Variants in KCNK9 observed in about 807,000 individuals in gnomAD.
KCNK9 encodes potassium two pore domain channel subfamily K member 9.
KCNK9 carries 1 observed loss-of-function variant against 10.8 expected under a neutral mutation model. The observed-to-expected ratio is 0.09, with a 90% confidence interval of 0.03 to 0.44. KCNK9 has a LOEUF of 0.44. KCNK9 is among the 20% of genes least tolerant of loss of function. KCNK9 has a pLI of 0.97. For synonymous variants in KCNK9, 231 were observed against 222.7 expected (o/e 1.04, Z -0.33); for missense variants, 303 against 515.0 (o/e 0.59, Z 3.98).
chr8:139,655,331 A>C (rs1204137825), intron 1 of KCNK9, among the ~76,000 whole-genome samples: 2 of 152,176 alleles, frequency 1.3e-5, no homozygotes, highest in Non-Finnish European at 2.9e-5. Flanking sequence ...CACGAGGAGC[A>C]AACAAAACAA....
At chr8:139,670,892 G>C (rs529149441) in intron 1 of KCNK9, among the ~76,000 whole-genome samples, 10 of 152,172 alleles carry the variant, frequency 6.6e-5, no homozygotes, top group Non-Finnish European at 1.3e-4. Flanking sequence ...TCTAGGATTT[G>C]ATGACCACCC....
At chr8:139,627,418 G>A (rs1010426072) in intron 1 of KCNK9, among the ~76,000 whole-genome samples, 3 of 152,332 alleles carry the variant, frequency 2.0e-5, no homozygotes, top group Non-Finnish European at 4.4e-5. Context: ...CTTGACTGGT[G>A]ACTCAAAGGC....
At chr8:139,647,088 G>A (rs1291813552) in intron 1 of KCNK9, among the ~76,000 whole-genome samples, 1 of 152,256 alleles carries the variant, frequency 6.6e-6, no homozygotes, top group African/African-American at 2.4e-5. Flanking sequence ...AGGGGGCTCT[G>A]CAGGTCTGAG....
intron 1 of KCNK9, among the ~76,000 whole-genome samples, chr8:139,690,176 GA>G (rs201704400): frequency 1.3e-5 from 2 of 151,702 alleles, no homozygotes; most frequent in East Asian, 3.9e-4. Context: ...CACAGACTCT[GA>G]AGTCAGACTT....
At chr8:139,652,980 G>C (rs1347764015) in intron 1 of KCNK9, among the ~76,000 whole-genome samples, 1 of 152,222 alleles carries the variant, frequency 6.6e-6, no homozygotes, top group Non-Finnish European at 1.5e-5. Flanking sequence ...CAAGCATCGT[G>C]TGCAGTGCTG....
At chr8:139,675,861 A>G (rs901691945) in intron 1 of KCNK9, among the ~76,000 whole-genome samples, 4 of 152,122 alleles carry the variant, frequency 2.6e-5, no homozygotes, top group African/African-American at 7.2e-5. Flanking sequence ...ACCTGGTGCA[A>G]TTTCCTCTTG....
At chr8:139,624,621 A>AC (rs977890568) in intron 1 of KCNK9, among the ~76,000 whole-genome samples, 14 of 151,446 alleles carry the variant, frequency 9.2e-5, no homozygotes, top group African/African-American at 3.4e-4. Flanking sequence ...ATCCAGGAAA[A>AC]CCCCCAGCTC....
At chr8:139,601,394 C>G (rs1310810186) in exon 3 of KCNK9, 1 of 152,182 alleles carries the variant, frequency 6.6e-6, no homozygotes, top group African/African-American at 2.4e-5. Flanking sequence ...AGAGTCACAG[C>G]TGAGGCTTGA....
chr8:139,684,691 C>T (rs1218617063), intron 1 of KCNK9, among the ~76,000 whole-genome samples: 1 of 152,086 alleles, frequency 6.6e-6, no homozygotes, highest in Non-Finnish European at 1.5e-5. Flanking sequence ...CTTCAAAAAA[C>T]ATAAAACTAA....
chr8:139,635,352 T>G (rs1815306569), intron 1 of KCNK9, among the ~76,000 whole-genome samples: 1 of 152,220 alleles, frequency 6.6e-6, no homozygotes, highest in South Asian at 2.1e-4. Flanking sequence ...ATAGCAGCGT[T>G]GCTCACTGTC....
At chr8:139,619,522 G>T (rs560014834) in intron 1 of KCNK9, among the ~76,000 whole-genome samples, 2 of 152,294 alleles carry the variant, frequency 1.3e-5, no homozygotes, top group Non-Finnish European at 2.9e-5. Flanking sequence ...AAGCCCAAGG[G>T]AGAAACCTCT....
chr8:139,614,786 C>T (rs989886325), downstream of KCNK9, among the ~76,000 whole-genome samples: 5 of 152,226 alleles, frequency 3.3e-5, no homozygotes, highest in Non-Finnish European at 7.3e-5. Flanking sequence ...ATTACTCTCA[C>T]TTGAACTCTT....
chr8:139,630,077 G>A (rs568834018), intron 1 of KCNK9, among the ~76,000 whole-genome samples: 1 of 152,022 alleles, frequency 6.6e-6, no homozygotes, highest in Admixed American at 6.5e-5. Flanking sequence ...GGGCGTGGGG[G>A]GCGGCGCGAA....
intron 1 of KCNK9, among the ~76,000 whole-genome samples, chr8:139,675,470 G>A (rs965982075): frequency 2.6e-5 from 4 of 152,148 alleles, no homozygotes; most frequent in African/African-American, 9.7e-5. Context: ...CCCTTATAAG[G>A]ACAGACCCCA....
At chr8:139,654,031 G>T (rs570130723) in intron 1 of KCNK9, among the ~76,000 whole-genome samples, 1 of 152,240 alleles carries the variant, frequency 6.6e-6, no homozygotes, top group Admixed American at 6.5e-5. Flanking sequence ...GTGGGTGTTC[G>T]GCCTGGACTC....
intron 1 of KCNK9, among the ~76,000 whole-genome samples, chr8:139,622,220 G>GTC (rs1276485834): frequency 6.6e-6 from 1 of 152,200 alleles, no homozygotes; most frequent in Non-Finnish European, 1.5e-5. Context: ...AGGTTCAGGG[G>GTC]TCTTCCCCAT....
intron 1 of KCNK9, among the ~76,000 whole-genome samples, chr8:139,642,850 G>A (rs1191423071): frequency 6.6e-6 from 1 of 152,210 alleles, no homozygotes; most frequent in African/African-American, 2.4e-5. Context: ...AACCTGAGCA[G>A]CAGGGGGTGT....
chr8:139,697,774 CCAGAAT>C (rs1226720627), intron 1 of KCNK9, among the ~76,000 whole-genome samples: 1 of 152,112 alleles, frequency 6.6e-6, no homozygotes, highest in Non-Finnish European at 1.5e-5. Flanking sequence ...TTGATGTACC[CCAGAAT>C]CAGAAGAAAC....
intron 1 of KCNK9, among the ~76,000 whole-genome samples, chr8:139,653,710 G>A (rs1007085880): frequency 4.6e-5 from 7 of 152,168 alleles, no homozygotes; most frequent in African/African-American, 1.7e-4. Flanking sequence ...ACAACACAAG[G>A]GAAAGTGCTT....
Sources: gnomAD v4.1 joint callset for allele counts (sites outside exome capture counted in the v4.1 genomes callset) on GRCh38, gnomAD v4.1.1 for gene constraint, MANE v1.5 for transcripts, NCBI Gene and HGNC (gene_info 2026-07-23, HGNC 2026-07-21) for gene names.